LIMCH1: variants seen among roughly 807,000 people sequenced by gnomAD.
The protein encoded by LIMCH1 is LIM and calponin homology domains 1.
Under a neutral mutation model 176.5 loss-of-function variants are expected in LIMCH1, and 113 were observed. That is an observed-to-expected ratio of 0.64 (90% CI 0.55 to 0.75). The LOEUF is 0.75. Among genes scored for constraint, LIMCH1 ranks in the 30% least tolerant of loss-of-function variants. The pLI is 0.00. For synonymous variants in LIMCH1, 619 were observed against 645.9 expected, an observed-to-expected ratio of 0.96 and a Z score of 0.63; for missense variants, 1,674 against 1,814.9, an observed-to-expected ratio of 0.92 and a Z score of 1.41.
At chr4:41,534,777 C>T (rs145146054), upstream of LIMCH1, among the ~76,000 whole-genome samples, 643 of 152,070 alleles carry the variant, frequency 4.2e-3, 2 homozygotes, top group African/African-American at 0.015. Flanking sequence ...GTTTGATCCA[C>T]ATTGGCAGGG....
chr4:41,442,373 T>C (rs968949064), intron 1 of LIMCH1, among the ~76,000 whole-genome samples: 1 of 152,174 alleles, frequency 6.6e-6, no homozygotes, highest in African/African-American at 2.4e-5. Context: ...CCATCAAAGA[T>C]GCATTTTACG....
intron 4 of LIMCH1, chr4:41,613,172 T>G (rs1388428337): frequency 3.9e-6 from 5 of 1,272,180 alleles, no homozygotes; most frequent in Non-Finnish European, 5.6e-6. Flanking sequence ...TGTGATCCTT[T>G]CTTCTAATTC....
chr4:41,550,987 TA>T (rs2080325773), intron 1 of LIMCH1: 1 of 152,220 alleles, frequency 6.6e-6, no homozygotes, highest in African/African-American at 2.4e-5. Flanking sequence ...CAGACTTAGT[TA>T]ATTTCTCATG....
intron 4 of LIMCH1, chr4:41,612,945 C>T (rs192318024): frequency 2.0e-6 from 3 of 1,521,788 alleles, no homozygotes; most frequent in African/African-American, 1.4e-5. Flanking sequence ...TGAACGCGTG[C>T]TGCTCCAGGA....
chr4:41,557,054 A>G (rs1216883888), intron 1 of LIMCH1, among the ~76,000 whole-genome samples: 1 of 152,166 alleles, frequency 6.6e-6, no homozygotes, highest in African/African-American at 2.4e-5. Flanking sequence ...CCAGGAATCT[A>G]TCTCTATTTC....
chr4:41,546,227 C>G (rs552759525), intron 1 of LIMCH1, among the ~76,000 whole-genome samples: 88 of 152,174 alleles, frequency 5.8e-4, no homozygotes, highest in African/African-American at 2.0e-3. Flanking sequence ...CAACCTCCAC[C>G]TCCCTGGTTC....
chr4:41,606,418 G>A (rs1376029014), intron 4 of LIMCH1, among the ~76,000 whole-genome samples: 1 of 152,186 alleles, frequency 6.6e-6, no homozygotes, highest in Admixed American at 6.5e-5. Context: ...GGGCCTTGAT[G>A]TGGGTGAGGT....
chr4:41,414,201 T>C (rs1470399959), intron 1 of LIMCH1, among the ~76,000 whole-genome samples: 2 of 152,100 alleles, frequency 1.3e-5, no homozygotes, highest in African/African-American at 4.8e-5. Flanking sequence ...ATGAATAGTA[T>C]GAAAACCACT....
At chr4:41,378,391 G>T (rs1486596809) in intron 1 of LIMCH1, among the ~76,000 whole-genome samples, 1 of 152,036 alleles carries the variant, frequency 6.6e-6, no homozygotes, top group African/African-American at 2.4e-5. Flanking sequence ...AAATGGTGAG[G>T]GTATTTTTAG....
chr4:41,692,499 A>G (rs1213962350), intron 31 of LIMCH1, 115 bp downstream of exon 31: 1 of 652,438 alleles, frequency 1.5e-6, no homozygotes, highest in Non-Finnish European at 2.7e-6. Context: ...AATCTGAGAG[A>G]AAGGTTTCTT....
At chr4:41,427,901 A>G (rs970876644) in intron 1 of LIMCH1, among the ~76,000 whole-genome samples, 2 of 149,972 alleles carry the variant, frequency 1.3e-5, no homozygotes, top group Non-Finnish European at 3.0e-5. Flanking sequence ...GCTTAGTTCT[A>G]TTTCCTCACC....
At chr4:41,487,842 C>T (rs868240174) in intron 1 of LIMCH1, among the ~76,000 whole-genome samples, 3 of 150,840 alleles carry the variant, frequency 2.0e-5, no homozygotes, top group Admixed American at 6.6e-5. Context: ...TTAGTAGAGA[C>T]GGGGTTTCAC....
intron 25 of LIMCH1, 27 bp downstream of exon 25, chr4:41,681,086 G>T: frequency 7.1e-7 from 1 of 1,409,946 alleles, no homozygotes; most frequent in Non-Finnish European, 1.0e-6. Context: ...AAAGCAATTT[G>T]TGAAATAAAT....
At chr4:41,596,389 G>A (rs2088821503) in intron 1 of LIMCH1, among the ~76,000 whole-genome samples, 1 of 152,064 alleles carries the variant, frequency 6.6e-6, no homozygotes, top group Non-Finnish European at 1.5e-5. Flanking sequence ...CTGGAAGCAA[G>A]TAAGACTGGC....
chr4:41,694,908 C>T (rs1052596958), intron 31 of LIMCH1, among the ~76,000 whole-genome samples: 1 of 152,196 alleles, frequency 6.6e-6, no homozygotes, highest in South Asian at 2.1e-4. Context: ...CTCTGGATAT[C>T]ATCAAACATT....
At chr4:41,467,606 C>T (rs573523722) in intron 1 of LIMCH1, among the ~76,000 whole-genome samples, 66 of 152,272 alleles carry the variant, frequency 4.3e-4, no homozygotes, top group African/African-American at 1.3e-3. Flanking sequence ...TACTTCCCAC[C>T]GGGTCCCTCC....
rs2088515012 is a variant in LIMCH1 at position 41,595,222 on chromosome 4, G to C, written c.-240-3698G>C. On this transcript the variant is annotated intron_variant, in intron 1 of 31. Coordinates refer to ENST00000503057, the MANE Select transcript of LIMCH1 (RefSeq NM_001330672.2). Reference sequence around the variant, plus strand: ...GTAAGTTAAGAGGGTGCATATGTATGTGTGTTTGTTTGCCGTTGGGAGGGA... The same window carrying C: ...GTAAGTTAAGAGGGTGCATATGTATCTGTGTTTGTTTGCCGTTGGGAGGGA... Among the ~76,000 whole-genome samples, 3 of 152,272 alleles carry C rather than the reference G, an allele frequency of 2.0e-5. No homozygotes were observed. In the South Asian group the frequency reaches 6.2e-4, roughly 32 times the overall value.
intron 18 of LIMCH1, among the ~76,000 whole-genome samples, chr4:41,659,908 A>C (rs1320023414): frequency 1.3e-5 from 2 of 152,134 alleles, no homozygotes; most frequent in African/African-American, 2.4e-5. Context: ...CCAGTGAAAG[A>C]CAATGTAAAA....
At chr4:41,523,979 G>A (rs1047290392) in intron 2 of LIMCH1, among the ~76,000 whole-genome samples, 2 of 152,168 alleles carry the variant, frequency 1.3e-5, no homozygotes, top group Non-Finnish European at 2.9e-5. Flanking sequence ...GTGTCTTGGC[G>A]AATCATTTGT....
Sources: allele counts gnomAD v4.1 joint callset (sites outside exome capture counted in the v4.1 genomes callset), GRCh38; gene constraint gnomAD v4.1.1; transcripts MANE v1.5; gene names NCBI Gene and HGNC (gene_info 2026-07-23, HGNC 2026-07-21).